NPAT: variants seen among roughly 807,000 people sequenced by gnomAD.
NPAT encodes nuclear protein, coactivator of histone transcription, also known as protein NPAT.
Under a neutral mutation model 130.7 loss-of-function variants are expected in NPAT, and 52 were observed. The ratio of observed to expected loss-of-function variants is 0.40; its 90% CI spans 0.32 to 0.50. The LOEUF is 0.50. NPAT is among the 20% of genes least tolerant of loss of function. The pLI is 0.68. For missense variants in NPAT, 1,687 were observed against 1,662.6 expected (o/e 1.01, Z -0.26); for synonymous variants, 580 against 584.8 (o/e 0.99, Z 0.12).
At chr11:108,215,903 A>G (rs530594894) in intron 1 of NPAT, among the ~76,000 whole-genome samples, 4 of 152,360 alleles carry the variant, frequency 2.6e-5, no homozygotes, top group East Asian at 3.9e-4. Flanking sequence ...CAATCTTCCT[A>G]TCATTGAACA....
intron 2 of NPAT, among the ~76,000 whole-genome samples, chr11:108,196,360 T>A (rs1024069702): frequency 6.6e-6 from 1 of 152,246 alleles, no homozygotes; most frequent in African/African-American, 2.4e-5. Flanking sequence ...TTTTAGTAAG[T>A]CTTGAAGTCT....
At chr11:108,174,568 A>C (rs2077985958) in intron 12 of NPAT, among the ~76,000 whole-genome samples, 1 of 144,816 alleles carries the variant, frequency 6.9e-6, no homozygotes, top group Non-Finnish European at 1.5e-5. Context: ...AGATCTTAAA[A>C]AAAAAAAAAA....
At chr11:108,196,855 A>G (rs1172204481) in intron 2 of NPAT, among the ~76,000 whole-genome samples, 1 of 152,266 alleles carries the variant, frequency 6.6e-6, no homozygotes, top group Non-Finnish European at 1.5e-5. Context: ...TGATTAAAAT[A>G]AAATGGCAAA....
Position 108,173,654 on chromosome 11 carries a change from A to G in NPAT, c.1330T>C (p.Phe444Leu). Residue 444 changes from phenylalanine (F) to leucine (L), a missense_variant, in exon 13 of 18, where the codon TTT becomes CTT. Around this residue, in one of 3 missense-constraint regions of NPAT, gnomAD observed 1,379 missense variants for 1,346.6 expected, o/e 1.02. Coordinates refer to ENST00000278612, the MANE Select transcript of NPAT (RefSeq NM_002519.3). ...TCATTCAAATTAGGCACGGACTCAA[A>G]GGTAATGTCAATGTCACACTTCTGT... The part of the protein sequence containing the change: ...TEQKCDIDIT[F>L]ESVPNLNDFN... The G allele has an allele frequency of 6.2e-7, 1 of 1,614,202 alleles. No individual in the cohort carries two copies. The highest frequency in any genetic ancestry group is 1.1e-5 in the South Asian group (1 of 91,086).
intron 17 of NPAT, among the ~76,000 whole-genome samples, 190 bp downstream of exon 17, chr11:108,160,690 G>A (rs2077838179): frequency 6.6e-6 from 1 of 152,182 alleles, no homozygotes; most frequent in African/African-American, 2.4e-5. Context: ...TGCCCTACAA[G>A]TCTGAGTTTG....
intron 10 of NPAT, among the ~76,000 whole-genome samples, chr11:108,178,616 G>C (rs966471887): frequency 6.6e-6 from 1 of 152,168 alleles, no homozygotes; most frequent in Non-Finnish European, 1.5e-5. Context: ...CCAGCACTTT[G>C]GGAGGCCAAG....
intron 6 of NPAT, among the ~76,000 whole-genome samples, chr11:108,188,805 T>C (rs542196932): frequency 4.6e-5 from 7 of 152,256 alleles, no homozygotes; most frequent in African/African-American, 1.7e-4. Flanking sequence ...AAGTAGAAAA[T>C]ATAATGTACA....
intron 15 of NPAT, among the ~76,000 whole-genome samples, chr11:108,164,727 C>G (rs1261015228): frequency 6.6e-6 from 1 of 151,930 alleles, no homozygotes; most frequent in Non-Finnish European, 1.5e-5. Flanking sequence ...TGGAAAGGAT[C>G]TAGGCCGGGC....
At chr11:108,192,307 T>C (rs1311709425) in intron 3 of NPAT, 117 bp from the exon 4 acceptor site, 3 of 760,044 alleles carry the variant, frequency 3.9e-6, no homozygotes, top group African/African-American at 1.7e-5. Flanking sequence ...TGTTGGAAAA[T>C]GAGAAATAAA....
At chr11:108,171,264 A>T (rs2077948124) in intron 13 of NPAT, 2 of 147,394 alleles carry the variant, frequency 1.4e-5, no homozygotes, top group South Asian at 2.1e-4. Context: ...AGCAGCTGGG[A>T]TTACAGGTGC....
intron 7 of NPAT, among the ~76,000 whole-genome samples, chr11:108,187,026 GCT>G (rs1293517078): frequency 1.3e-5 from 2 of 152,276 alleles, no homozygotes; most frequent in East Asian, 3.9e-4. Context: ...AGCACAGCAA[GCT>G]CTGACTCTCT....
chr11:108,191,243 T>C (rs1435586407), intron 4 of NPAT, among the ~76,000 whole-genome samples: 2 of 152,224 alleles, frequency 1.3e-5, no homozygotes, highest in Non-Finnish European at 2.9e-5. Context: ...AATCCCCAAG[T>C]TGATGTCAGA....
At chr11:108,186,970 A>T (rs1032794022) in intron 7 of NPAT, among the ~76,000 whole-genome samples, 1 of 152,210 alleles carries the variant, frequency 6.6e-6, no homozygotes, top group Admixed American at 6.5e-5. Context: ...GAATTCAAAA[A>T]AATGAGTTTG....
rs1241995452 is a variant in NPAT, at chr11:108,161,294, A to C, written c.3792T>G (p.Asp1264Glu). The C allele has an allele frequency of 6.2e-7, 1 of 1,614,158 alleles. No individual in the cohort carries two copies. The highest frequency in any genetic ancestry group is 1.1e-5 in the South Asian group (1 of 91,086). The change falls in exon 17 of 18, where the codon GAT becomes GAG. Residue 1264 changes from aspartate to glutamate, a missense_variant. Physicochemically the swap from Asp to Glu is conservative, Grantham distance 45 (BLOSUM62 2). Around this residue, in one of 3 missense-constraint regions of NPAT, gnomAD observed 1,379 missense variants for 1,346.6 expected, o/e 1.02. Transcript: ENST00000278612. ...SSVSRLADSS[D>E]LPVPRTPGSG... ...AGCCAGGTGTCCGGGGCACAGGTAA[A>C]TCACTACTATCAGCAAGCCTACTTA...
intron 15 of NPAT, 52 bp downstream of exon 15, chr11:108,169,692 A>G (rs992671480): frequency 8.5e-6 from 11 of 1,287,406 alleles, no homozygotes; most frequent in Non-Finnish European, 1.2e-5. Context: ...GTTGCTGCAA[A>G]CAAATGAACA....
At chr11:108,180,839 C>T (rs998953624) in intron 10 of NPAT, among the ~76,000 whole-genome samples, 2 of 152,156 alleles carry the variant, frequency 1.3e-5, no homozygotes, top group Non-Finnish European at 2.9e-5. Context: ...GTGGCATATA[C>T]ATTAAATGGA....
intron 1 of NPAT, among the ~76,000 whole-genome samples, chr11:108,208,189 A>G (rs984687164): frequency 6.6e-6 from 1 of 152,148 alleles, no homozygotes; most frequent in African/African-American, 2.4e-5. Flanking sequence ...TTGGTATACA[A>G]ACAGTTTTGG....
At chr11:108,218,348 T>C (rs1277915835) in intron 1 of NPAT, among the ~76,000 whole-genome samples, 3 of 152,104 alleles carry the variant, frequency 2.0e-5, no homozygotes, top group Admixed American at 6.6e-5. Context: ...TCTTCCTACT[T>C]GTAGAGAGGG....
At chr11:108,219,440 C>T (rs1165905480) in intron 1 of NPAT, among the ~76,000 whole-genome samples, 1 of 152,172 alleles carries the variant, frequency 6.6e-6, no homozygotes, top group East Asian at 1.9e-4. Context: ...AACGAATTCT[C>T]TCATTAAATC....
Sources: gnomAD v4.1 joint callset for allele counts (sites outside exome capture counted in the v4.1 genomes callset) on GRCh38, gnomAD v4.1.1 for gene constraint, gnomAD v4.1.1 regional missense constraint, MANE v1.5 for transcripts, NCBI Gene and HGNC (gene_info 2026-07-23, HGNC 2026-07-21) for gene names.